The following MKLN1 variants were observed in gnomAD, a reference collection of about 807,000 sequenced individuals.
MKLN1 encodes the protein muskelin 1, also known as muskelin.
MKLN1 carries 18 observed loss-of-function variants against 99.0 expected under a neutral mutation model. The ratio of observed to expected loss-of-function variants is 0.18; its 90% confidence interval spans 0.13 to 0.27. The LOEUF is 0.27. MKLN1 is among the 10% of genes least tolerant of loss of function. The pLI is 1.00. For synonymous variants in MKLN1, 288 were observed against 293.2 expected, an observed-to-expected ratio of 0.98 and a Z score of 0.18; for missense variants, 621 against 875.9, an observed-to-expected ratio of 0.71 and a Z score of 3.67.
chr7:131,357,400 T>A (rs1334193941), intron 1 of MKLN1, among the ~76,000 whole-genome samples: 1 of 152,196 alleles, frequency 6.6e-6, no homozygotes, highest in Non-Finnish European at 1.5e-5. Context: ...GTTTCTCCAC[T>A]GTAATATTTT....
At chr7:131,232,698 T>C (rs1358541678) in intron 3 of MKLN1, among the ~76,000 whole-genome samples, 2 of 152,114 alleles carry the variant, frequency 1.3e-5, no homozygotes, top group Non-Finnish European at 2.9e-5. Context: ...ATTGAATACA[T>C]TTTTAGTACA....
At chr7:131,410,203 AGATTAT>A (rs1364731380) in intron 6 of MKLN1, among the ~76,000 whole-genome samples, 3 of 152,196 alleles carry the variant, frequency 2.0e-5, no homozygotes, top group Non-Finnish European at 4.4e-5. Context: ...CAACTTAAGT[AGATTAT>A]GAGTTTATCA....
At chr7:131,479,743 C>T (rs891011916) in intron 17 of MKLN1, among the ~76,000 whole-genome samples, 3 of 151,880 alleles carry the variant, frequency 2.0e-5, no homozygotes, top group Non-Finnish European at 2.9e-5. Context: ...AGGAGAATGG[C>T]GGTAACCCAG....
chr7:131,439,905 C>T (rs971807875), intron 10 of MKLN1, among the ~76,000 whole-genome samples: 3 of 145,358 alleles, frequency 2.1e-5, no homozygotes, highest in Admixed American at 6.9e-5. Context: ...CACACACACA[C>T]ACACACACAC....
At chr7:131,237,818 A>G (rs1464279042) in intron 3 of MKLN1, among the ~76,000 whole-genome samples, 2 of 152,132 alleles carry the variant, frequency 1.3e-5, no homozygotes, top group African/African-American at 4.8e-5. Flanking sequence ...AGACCAAGGG[A>G]TTTGTCATGG....
At chr7:131,277,278 C>A (rs1584885346) in intron 3 of MKLN1, among the ~76,000 whole-genome samples, 1 of 151,232 alleles carries the variant, frequency 6.6e-6, no homozygotes, top group Admixed American at 6.6e-5. Context: ...TTACAACAAT[C>A]AATTGTGCAT....
intron 3 of MKLN1, among the ~76,000 whole-genome samples, chr7:131,314,693 A>G: frequency 6.6e-6 from 1 of 152,022 alleles, no homozygotes; most frequent in Non-Finnish European, 1.5e-5. Context: ...AAGTGCTGGG[A>G]TTACAGGCTT....
chr7:131,472,565 A>T (rs187800565), intron 16 of MKLN1, among the ~76,000 whole-genome samples: 16 of 149,860 alleles, frequency 1.1e-4, no homozygotes, highest in African/African-American at 3.7e-4. Context: ...GAGCCCTAGT[A>T]GAAGTTAGAA....
At chr7:131,453,046 G>C (rs1317822466) in intron 12 of MKLN1, among the ~76,000 whole-genome samples, 1 of 152,146 alleles carries the variant, frequency 6.6e-6, no homozygotes, top group East Asian at 1.9e-4. Context: ...TATTCAAACA[G>C]AGTATCTACT....
At chr7:131,374,169 G>A (rs1452112340) in intron 1 of MKLN1, among the ~76,000 whole-genome samples, 1 of 151,954 alleles carries the variant, frequency 6.6e-6, no homozygotes, top group African/African-American at 2.4e-5. Context: ...GATGCTCTAG[G>A]TTAATCTTCT....
At chr7:131,409,552 G>A (rs1282038951) in intron 6 of MKLN1, among the ~76,000 whole-genome samples, 1 of 152,198 alleles carries the variant, frequency 6.6e-6, no homozygotes, top group Non-Finnish European at 1.5e-5. Context: ...CAGCTGAAAA[G>A]TCTTGAAAGC....
At chr7:131,139,533 C>T (rs1485047856) in intron 1 of MKLN1, among the ~76,000 whole-genome samples, 1 of 152,186 alleles carries the variant, frequency 6.6e-6, no homozygotes, top group Non-Finnish European at 1.5e-5. Flanking sequence ...TGGCCAGCTG[C>T]AGAGCCAGCT....
rs185067262 is a variant in MKLN1 at position 131,115,634 on chromosome 7, G to T, written c.-419+5427G>T. Among the ~76,000 whole-genome samples, 3 of 152,274 alleles carry T rather than the reference G, an allele frequency of 2.0e-5. No homozygotes were observed. In the East Asian group the frequency reaches 5.8e-4, roughly 29 times the overall value. The stretch of plus-strand genomic sequence containing the variant: ...TCCTCCTCCATGCAGGGCCCGTGGA[G>T]CCCTGTACGGCATCCCCGACCACCT... On this transcript the variant is annotated intron_variant, in intron 1 of 7. Coordinates refer to the MKLN1 transcript ENST00000416992.
intron 5 of MKLN1, 119 bp from the exon 6 acceptor site, chr7:131,399,122 T>A: frequency 1.2e-6 from 1 of 841,522 alleles, no homozygotes; most frequent in South Asian, 1.6e-5. Flanking sequence ...AGTAAACTGC[T>A]TGGCACATAG....
At chr7:131,120,062 T>G (rs989049887) in intron 1 of MKLN1, among the ~76,000 whole-genome samples, 3 of 150,806 alleles carry the variant, frequency 2.0e-5, no homozygotes, top group Non-Finnish European at 4.4e-5. Flanking sequence ...TCCCAGCTAC[T>G]CGGGAGGCTG....
chr7:131,402,503 T>C (rs1488387626), intron 6 of MKLN1, among the ~76,000 whole-genome samples: 1 of 152,232 alleles, frequency 6.6e-6, no homozygotes, highest in East Asian at 1.9e-4. Flanking sequence ...ATGTTCTTAA[T>C]GGCATCTAGA....
At chr7:131,358,230 G>T (rs1162514299) in intron 1 of MKLN1, among the ~76,000 whole-genome samples, 1 of 152,116 alleles carries the variant, frequency 6.6e-6, no homozygotes, top group East Asian at 1.9e-4. Flanking sequence ...TGAATTCCTA[G>T]TTAGCTAAGA....
At chr7:131,370,730 T>G (rs766373556) in intron 1 of MKLN1, among the ~76,000 whole-genome samples, 1 of 152,160 alleles carries the variant, frequency 6.6e-6, no homozygotes, top group Non-Finnish European at 1.5e-5. Flanking sequence ...CTCTTGAAGG[T>G]CTTAGTGGGG....
chr7:131,470,101 A>G (rs903967205), intron 15 of MKLN1, among the ~76,000 whole-genome samples: 1 of 152,154 alleles, frequency 6.6e-6, no homozygotes, highest in Non-Finnish European at 1.5e-5. Context: ...TCCTGGACTC[A>G]AGCAGTCCAC....
Sources: gnomAD v4.1 joint callset for allele counts (sites outside exome capture counted in the v4.1 genomes callset) on GRCh38, gnomAD v4.1.1 for gene constraint, MANE v1.5 for transcripts, NCBI Gene and HGNC (gene_info 2026-07-23, HGNC 2026-07-21) for gene names.